Variants in WNT2B observed in about 807,000 individuals in gnomAD.
The protein encoded by WNT2B is Wnt family member 2B.
A neutral mutation model predicts 40.5 loss-of-function variants in WNT2B; 19 were observed. The ratio of observed to expected loss-of-function variants is 0.47; its 90% CI spans 0.33 to 0.69. The LOEUF is 0.69. Ranked by LOEUF, WNT2B falls within the 30% of genes least tolerant of loss-of-function variation. WNT2B has a pLI of 0.02. For synonymous variants in WNT2B, 220 were observed against 211.9 expected, an observed-to-expected ratio of 1.04 and a Z score of -0.33; for missense variants, 467 against 556.4, an observed-to-expected ratio of 0.84 and a Z score of 1.62.
chr1:112,490,871 A>G, intron 1 of WNT2B: 1 of 793,992 alleles, frequency 1.3e-6, no homozygotes, highest in South Asian at 1.7e-5. Flanking sequence ...GTCTAGGCCA[A>G]AATTTACCTC....
At chr1:112,516,975 C>A (rs1652579344) in intron 3 of WNT2B, 146 bp from the exon 4 acceptor site, 13 of 1,052,320 alleles carry the variant, frequency 1.2e-5, no homozygotes, top group Admixed American at 5.0e-5. Flanking sequence ...TGGGTGGGAT[C>A]TGATGTGGGA....
chr1:112,516,259 C>A lies in WNT2B; in HGVS notation c.523C>A (p.Arg175=). ...VCSCDPYTRG[R]HHDQRGDFDW... ...CAGCTGTGACCCCTACACCCGTGGC[C>A]GACACCATGACCAGCGTGGGGACTT... The change falls in exon 3 of 5, where the codon CGA becomes AGA. Residue 175 remains arginine (R), a synonymous_variant. Transcript: ENST00000369684. 6.2e-7 allele frequency: 1 copy of A among 1,614,104 alleles called. No individual in the cohort carries two copies. The highest frequency in any genetic ancestry group is 8.5e-7 in the Non-Finnish European group (1 of 1,180,030).
intron 1 of WNT2B, among the ~76,000 whole-genome samples, chr1:112,468,331 C>T (rs1650770229): frequency 6.6e-6 from 1 of 152,102 alleles, no homozygotes; most frequent in Non-Finnish European, 1.5e-5. Context: ...TAATAGGATT[C>T]CTGGATTATG....
intron 1 of WNT2B, among the ~76,000 whole-genome samples, chr1:112,486,604 C>T (rs1428355303): frequency 1.3e-5 from 2 of 151,728 alleles, no homozygotes; most frequent in Admixed American, 6.6e-5. Flanking sequence ...TCAAATCACA[C>T]ATTTAATAAA....
chr1:112,470,843 G>T (rs1034921745), intron 1 of WNT2B, among the ~76,000 whole-genome samples: 12 of 151,536 alleles, frequency 7.9e-5, no homozygotes, highest in African/African-American at 2.9e-4. Flanking sequence ...CCGATTATGA[G>T]CCCCAGAATA....
chr1:112,486,837 T>G (rs1463621030), intron 1 of WNT2B, among the ~76,000 whole-genome samples: 1 of 152,186 alleles, frequency 6.6e-6, no homozygotes, highest in Non-Finnish European at 1.5e-5. Flanking sequence ...ATATTATGTG[T>G]TGACGAGAAT....
upstream of WNT2B, among the ~76,000 whole-genome samples, chr1:112,507,029 C>G (rs351366): frequency 2.0e-5 from 3 of 152,286 alleles, no homozygotes; most frequent in Non-Finnish European, 4.4e-5. Context: ...CGATAACCCT[C>G]GTACACCAGC....
upstream of WNT2B, among the ~76,000 whole-genome samples, chr1:112,508,011 C>G (rs530970852): frequency 1.0e-3 from 156 of 152,192 alleles, no homozygotes; most frequent in Non-Finnish European, 1.7e-3. The surrounding 1 kb of genome is among the most constrained non-coding windows in gnomAD (Gnocchi z 4.2). Flanking sequence ...TCCCTATTTA[C>G]CACGCCCCCA....
At chr1:112,486,908 C>T (rs115222302) in intron 1 of WNT2B, among the ~76,000 whole-genome samples, 1,903 of 152,230 alleles carry the variant, frequency 0.013, 43 homozygotes, top group African/African-American at 0.044. Context: ...GAACATATTT[C>T]GATAGTTTCT....
rs140445206 is a variant in WNT2B at position 112,514,993 on chromosome 1, G to A, written c.302G>A (p.Arg101Gln). ...DIMRSVGEGA[R>Q]EWIRECQHQF... is the part of the protein sequence containing the mutation. Reference sequence around the variant, plus strand: ...ATGCGTTCAGTGGGCGAGGGTGCCCGAGAATGGATCCGAGAGTGTCAGCAC... The same window carrying A: ...ATGCGTTCAGTGGGCGAGGGTGCCCAAGAATGGATCCGAGAGTGTCAGCAC... Residue 101 changes from arginine to glutamine, a missense_variant, in exon 2 of 5, where the codon CGA becomes CAA. Physicochemically the swap from Arg to Gln is conservative, Grantham distance 43. Transcript: ENST00000369684. The A allele has an allele frequency of 3.7e-4, 592 of 1,614,182 alleles. 7 individuals carry two copies. The East Asian group carries it at 0.011, about 29-fold the overall frequency.
intron 1 of WNT2B, among the ~76,000 whole-genome samples, chr1:112,510,749 T>C (rs1652323039): frequency 6.6e-6 from 1 of 150,664 alleles, no homozygotes; most frequent in Non-Finnish European, 1.5e-5. Context: ...GGAGGGGGGG[T>C]TCTGGTTGGG....
At position 112,496,240 on chromosome 1, in the gene WNT2B, G is replaced by A. The variant is rs140202601; in HGVS notation, c.-94-18634G>A. Among the ~76,000 whole-genome samples the A allele has an allele frequency of 3.6e-3, 553 of 152,214 alleles. 5 individuals are homozygous for A. Among genetic ancestry groups the A allele is most frequent in the African/African-American group, 0.012 (517 of 41,508 alleles). On this transcript the variant is annotated intron_variant, in intron 1 of 4. Coordinates refer to the WNT2B transcript ENST00000256640. ...AGGAATCATCCTGCTTTAGCCTCCC[G>A]AGTAGCTAGGACTACAGGCATTTGC...
Position 112,517,258 on chromosome 1 carries a change from G to A in WNT2B, c.819G>A (p.Val273=), listed in dbSNP as rs753357634. 55 of 1,614,208 alleles carry A rather than the reference G, an allele frequency of 3.4e-5. No homozygotes were observed. The highest frequency in any genetic ancestry group is 4.6e-5 in the Non-Finnish European group (54 of 1,180,050). Residue 273 remains valine (V), a synonymous_variant, in exon 4 of 5, where the codon GTG becomes GTA. Coordinates refer to ENST00000369684, the MANE Select transcript of WNT2B (RefSeq NM_024494.3). ...DYLRRRYDGA[V]QVMATQDGAN... ...TGCGGCGACGCTATGATGGGGCTGT[G>A]CAGGTGATGGCCACCCAAGATGGTG...
At chr1:112,473,629 C>T (rs929387371) in intron 1 of WNT2B, among the ~76,000 whole-genome samples, 2 of 151,798 alleles carry the variant, frequency 1.3e-5, no homozygotes, top group African/African-American at 2.4e-5. Context: ...TAAGTTTAAT[C>T]GGCATCCCCA....
At position 112,525,718 on chromosome 1, in the gene WNT2B, G is replaced by A. The variant is rs566284296; in HGVS notation, c.*5209G>A. The A allele has an allele frequency of 4.0e-5, 10 of 251,536 alleles. No homozygotes were observed. The highest frequency in any genetic ancestry group is 1.5e-4 in the African/African-American group (7 of 45,590). 15.6% of individuals were successfully genotyped at this position (251,536 alleles called of 1,614,324 possible). A position where few individuals can be genotyped will look rare whatever the true frequency, so the allele number is the denominator to read the frequency against. The stretch of plus-strand genomic sequence containing the variant: ...TCTTTGACCAAAGGAGCCAAAATGC[G>A]GTGACTTGACTTCAACCCCAACAGC... On this transcript the variant is annotated 3_prime_UTR_variant, in exon 5 of 5. Transcript: ENST00000369684.
chr1:112,517,016 G>A (rs1652583345), intron 3 of WNT2B, 105 bp from the exon 4 acceptor site: 8 of 1,474,458 alleles, frequency 5.4e-6, no homozygotes, highest in African/African-American at 1.4e-5. Context: ...GCCAGCCAGG[G>A]CCAGGTCCAG....
At chr1:112,500,586 A>G (rs1351821018) in intron 1 of WNT2B, among the ~76,000 whole-genome samples, 3 of 151,994 alleles carry the variant, frequency 2.0e-5, no homozygotes, top group East Asian at 1.9e-4. Context: ...CCTGGGCAAC[A>G]TAGTGAGACC....
chr1:112,516,088 G>GGACA, intron 2 of WNT2B, 52 bp from the exon 3 acceptor site: 1 of 1,567,236 alleles, frequency 6.4e-7, no homozygotes, highest in South Asian at 1.2e-5. Context: ...CTGAAGAAGG[G>GGACA]GACAGACATG....
At chr1:112,508,334 C>G (rs547348905), upstream of WNT2B, among the ~76,000 whole-genome samples, 1 of 150,548 alleles carries the variant, frequency 6.6e-6, no homozygotes, top group Non-Finnish European at 1.5e-5. The surrounding 1 kb of genome is among the most constrained non-coding windows in gnomAD (Gnocchi z 4.2). Flanking sequence ...GAAAAGCACC[C>G]GGGCCGGGCA....
Sources: allele counts gnomAD v4.1 joint callset (sites outside exome capture counted in the v4.1 genomes callset), GRCh38; gene constraint gnomAD v4.1.1; non-coding constraint Gnocchi (gnomAD v3.1); transcripts MANE v1.5; gene names NCBI Gene and HGNC (gene_info 2026-07-23, HGNC 2026-07-21).